The following ADAMTS12 variants were observed in gnomAD, a reference collection of about 807,000 sequenced individuals.
The protein encoded by ADAMTS12 is ADAM metallopeptidase with thrombospondin type 1 motif 12, also known as A disintegrin and metalloproteinase with thrombospondin motifs 12.
Under a neutral mutation model 167.8 loss-of-function variants are expected in ADAMTS12, and 118 were observed. The ratio of observed to expected loss-of-function variants is 0.70; its 90% CI spans 0.61 to 0.82. The LOEUF (loss-of-function observed/expected upper bound fraction) is 0.82, where lower values mean the gene tolerates loss of function less well. ADAMTS12 is among the 40% of genes least tolerant of loss of function. ADAMTS12 has a pLI of 0.00. For missense variants in ADAMTS12, 1,916 were observed against 1,998.8 expected (o/e 0.96, Z 0.79); for synonymous variants, 704 against 716.9 (o/e 0.98, Z 0.29).
chr5:33,657,584 A>G (rs1741105604), intron 7 of ADAMTS12, among the ~76,000 whole-genome samples: 1 of 152,226 alleles, frequency 6.6e-6, no homozygotes, highest in African/African-American at 2.4e-5. Context: ...CACCTAATCA[A>G]ATTCACACAT....
intron 2 of ADAMTS12, among the ~76,000 whole-genome samples, chr5:33,764,183 C>G (rs552826018): frequency 3.9e-5 from 6 of 152,322 alleles, no homozygotes; most frequent in Non-Finnish European, 7.4e-5. Flanking sequence ...CGAGGAGAGA[C>G]TACTTCTCAA....
chr5:33,648,993 G>C, intron 8 of ADAMTS12, 27 bp from the exon 9 acceptor site: 1 of 1,606,408 alleles, frequency 6.2e-7, no homozygotes, highest in Middle Eastern at 1.7e-4. Context: ...AGAAATGAGA[G>C]GAGTTGTTTA....
At chr5:33,556,485 G>A (rs1745492662) in intron 20 of ADAMTS12, among the ~76,000 whole-genome samples, 2 of 152,232 alleles carry the variant, frequency 1.3e-5, no homozygotes, top group African/African-American at 4.8e-5. Flanking sequence ...TAAGGAACAT[G>A]GCTGTGCTTT....
chr5:33,569,685 G>T (rs1256427340), intron 19 of ADAMTS12, among the ~76,000 whole-genome samples: 2 of 152,340 alleles, frequency 1.3e-5, no homozygotes, highest in Non-Finnish European at 2.9e-5. Flanking sequence ...AAAAAGCACA[G>T]TGCATCTCCT....
In ADAMTS12 at chr5:33,649,590, G is replaced by A. The variant is rs751992694; in HGVS notation, c.1298C>T (p.Ser433Phe). 1 of 1,613,978 alleles carries A rather than the reference G, an allele frequency of 6.2e-7. No individual in the cohort carries two copies. Among genetic ancestry groups the A allele is most frequent in the African/African-American group, 1.3e-5 (1 of 75,042 alleles). Residue 433 changes from serine to phenylalanine, a missense_variant, in exon 8 of 24, where the codon TCC becomes TTC. Coordinates refer to ENST00000504830, the MANE Select transcript of ADAMTS12 (RefSeq NM_030955.4). ...LQYDPTPLTW[S>F]KCSEEYITRF... ...GGTGATGTACTCCTCGCTGCACTTG[G>A]ACCATGTCAGCGGAGTGGGATCGTA...
At chr5:33,606,134 G>C (rs1738428680) in intron 16 of ADAMTS12, among the ~76,000 whole-genome samples, 1 of 152,140 alleles carries the variant, frequency 6.6e-6, no homozygotes, top group Admixed American at 6.6e-5. Context: ...TTTTTGTAGA[G>C]ATGAGGTTTC....
In ADAMTS12 at chr5:33,695,637, G is replaced by T. The variant is rs190585868; in HGVS notation, c.635-11582C>A. ...TGATTCCATTTACATGAGGTACCTT[G>T]TGTAGTACAGTTCACAGAGGCAGAA... On this transcript the variant is annotated intron_variant, in intron 3 of 23. Coordinates refer to ENST00000504830, the MANE Select transcript of ADAMTS12 (RefSeq NM_030955.4). Among the ~76,000 whole-genome samples, 25 of 152,306 alleles carry T rather than the reference G, an allele frequency of 1.6e-4. No homozygotes were observed. The East Asian group carries it at 4.6e-3, about 28-fold the overall frequency.
At chr5:33,563,574 A>C (rs1042399262) in intron 19 of ADAMTS12, among the ~76,000 whole-genome samples, 1 of 152,212 alleles carries the variant, frequency 6.6e-6, no homozygotes, top group African/African-American at 2.4e-5. Context: ...TGGGGTTCAC[A>C]TCAGCACCAT....
chr5:33,882,743 C>T (rs1208085719), intron 1 of ADAMTS12, among the ~76,000 whole-genome samples: 1 of 152,108 alleles, frequency 6.6e-6, no homozygotes, highest in Non-Finnish European at 1.5e-5. Context: ...AGGTGTGCAC[C>T]ACCATGCCCG....
intron 3 of ADAMTS12, among the ~76,000 whole-genome samples, chr5:33,719,508 C>A (rs1376460428): frequency 2.6e-5 from 4 of 152,176 alleles, no homozygotes; most frequent in African/African-American, 4.8e-5. Flanking sequence ...ATGAATTGTA[C>A]ACATGATTAA....
intron 19 of ADAMTS12, among the ~76,000 whole-genome samples, 154 bp from the exon 20 acceptor site, chr5:33,561,333 C>T (rs1304849993): frequency 6.6e-6 from 1 of 152,246 alleles, no homozygotes; most frequent in African/African-American, 2.4e-5. Flanking sequence ...ACCCCACTCA[C>T]ACAAATTAAT....
rs1561306337 is a variant in ADAMTS12 at position 33,849,128 on chromosome 5, T to TATATATATATGTATTGCATAGCA, written c.489+31968_489+31990dup. On this transcript the variant is annotated intron_variant, in intron 2 of 23. Transcript: ENST00000504830. ...AATATATATATGTATTGCATAGCAA[T>TATATATATATGTATTGCATAGCA]ATATATATATGTATTGCATAGCAAT... Among the ~76,000 whole-genome samples, 4 of 61,888 alleles carry TATATATATATGTATTGCATAGCA rather than the reference T, an allele frequency of 6.5e-5. 1 individual carries two copies. The highest frequency in any genetic ancestry group is 9.7e-4 in the East Asian group (2 of 2,060). 40.6% of individuals were successfully genotyped at this position (61,888 alleles called of 152,430 possible). A position where few individuals can be genotyped will look rare whatever the true frequency, so the allele number is the denominator to read the frequency against.
chr5:33,641,630 A>G (rs1740447382), intron 11 of ADAMTS12, among the ~76,000 whole-genome samples, 180 bp downstream of exon 11: 1 of 152,190 alleles, frequency 6.6e-6, no homozygotes, highest in Non-Finnish European at 1.5e-5. Flanking sequence ...GAAACAACAC[A>G]AAACAGAACC....
At chr5:33,684,099 T>A in intron 3 of ADAMTS12, 44 bp from the exon 4 acceptor site, 2 of 1,278,266 alleles carry the variant, frequency 1.6e-6, no homozygotes, top group Non-Finnish European at 2.0e-6. Flanking sequence ...TGTATATGTC[T>A]CATATATTAT....
At chr5:33,825,104 C>T (rs1748011991) in intron 2 of ADAMTS12, among the ~76,000 whole-genome samples, 2 of 152,152 alleles carry the variant, frequency 1.3e-5, no homozygotes, top group Admixed American at 6.5e-5. Flanking sequence ...GCAAGCACAT[C>T]CTAATAGAGT....
At chr5:33,698,686 C>A (rs977838800) in intron 3 of ADAMTS12, among the ~76,000 whole-genome samples, 1 of 152,244 alleles carries the variant, frequency 6.6e-6, no homozygotes, top group Admixed American at 6.5e-5. Context: ...ACCTTTAATT[C>A]CAGCACTTTG....
chr5:33,638,588 C>T (rs1432489120), intron 11 of ADAMTS12, among the ~76,000 whole-genome samples: 5 of 152,296 alleles, frequency 3.3e-5, no homozygotes, highest in Admixed American at 2.0e-4. Context: ...ACCTCCTTCA[C>T]GAATCCTTCC....
intron 21 of ADAMTS12, among the ~76,000 whole-genome samples, chr5:33,547,241 C>T (rs954888976): frequency 3.3e-5 from 5 of 152,136 alleles, no homozygotes; most frequent in African/African-American, 1.2e-4. Context: ...AAAAGTGGTT[C>T]TCAAATGCTC....
intron 2 of ADAMTS12, among the ~76,000 whole-genome samples, chr5:33,858,950 T>C (rs1749506858): frequency 6.6e-6 from 1 of 152,142 alleles, no homozygotes; most frequent in South Asian, 2.1e-4. Context: ...CGTGAGGGTC[T>C]GTGCCTTGAG....
Sources: allele counts gnomAD v4.1 joint callset (sites outside exome capture counted in the v4.1 genomes callset), GRCh38; gene constraint gnomAD v4.1.1; transcripts MANE v1.5; gene names NCBI Gene and HGNC (gene_info 2026-07-23, HGNC 2026-07-21).